The following GASK1B variants were observed in gnomAD, a reference collection of about 807,000 sequenced individuals.
GASK1B encodes Golgi-associated kinase 1B.
In GASK1B, 34 loss-of-function variants were observed where a neutral mutation model predicts 42.8. That is an observed-to-expected ratio of 0.79 (90% CI 0.60 to 1.06). The LOEUF (loss-of-function observed/expected upper bound fraction) is 1.06. GASK1B is among the 50% of genes least tolerant of loss of function. The pLI is 0.00. For synonymous variants in GASK1B, 262 were observed against 259.1 expected (o/e 1.01, Z -0.11); for missense variants, 686 against 661.0 (o/e 1.04, Z -0.42).
chr4:158,135,867 C>T (rs1171211861), intron 3 of GASK1B, among the ~76,000 whole-genome samples: 1 of 151,958 alleles, frequency 6.6e-6, no homozygotes, highest in East Asian at 1.9e-4. Flanking sequence ...AGCTAAAAAC[C>T]AGGCAAAGGC....
At chr4:158,165,814 C>T (rs1732208385) in intron 2 of GASK1B, among the ~76,000 whole-genome samples, 1 of 152,048 alleles carries the variant, frequency 6.6e-6, no homozygotes, top group Non-Finnish European at 1.5e-5. Flanking sequence ...ACGTAGGGCA[C>T]ATTTTATAAG....
chr4:158,140,809 A>G (rs1731086326), intron 3 of GASK1B, among the ~76,000 whole-genome samples: 1 of 152,242 alleles, frequency 6.6e-6, no homozygotes, highest in African/African-American at 2.4e-5. Flanking sequence ...AGCTATGTCT[A>G]TAACTAGACT....
At chr4:158,162,220 C>G (rs774841352) in intron 2 of GASK1B, among the ~76,000 whole-genome samples, 4 of 152,206 alleles carry the variant, frequency 2.6e-5, no homozygotes, top group Non-Finnish European at 5.9e-5. Context: ...TTCTCCCTCT[C>G]TGTGCCTACA....
intron 3 of GASK1B, among the ~76,000 whole-genome samples, chr4:158,154,533 C>A (rs1046963376): frequency 1.3e-4 from 20 of 152,178 alleles, no homozygotes; most frequent in African/African-American, 4.1e-4. Flanking sequence ...GAAAAGAAGT[C>A]ATTATACAAA....
At chr4:158,143,879 G>A (rs1731229324) in intron 3 of GASK1B, among the ~76,000 whole-genome samples, 1 of 151,930 alleles carries the variant, frequency 6.6e-6, no homozygotes, top group South Asian at 2.1e-4. Context: ...GTGATTATGT[G>A]TTTAAAAATA....
At chr4:158,141,596 CCTTTT>C (rs1731118774) in intron 3 of GASK1B, among the ~76,000 whole-genome samples, 1 of 21,868 alleles carries the variant, frequency 4.6e-5, no homozygotes, top group African/African-American at 6.8e-5. Context: ...TTTGTATTTA[CCTTTT>C]TTTTTTTTTT....
In GASK1B at chr4:158,171,044, A is replaced by G. The variant is rs1186056395; in HGVS notation, c.332T>C (p.Leu111Pro). 1 of 1,613,836 alleles carries G rather than the reference A, an allele frequency of 6.2e-7. No homozygotes were observed. Among genetic ancestry groups the G allele is most frequent in the Admixed American group, 1.7e-5 (1 of 60,010 alleles). Reference protein sequence around the residue: ...TLQPNVVYITLRSKRSKPANI... With the variant: ...TLQPNVVYITPRSKRSKPANI... ...GGCCGGCTTGCTGCGCTTGGAGCGT[A>G]GGGTAATGTACACCACATTGGGCTG... Residue 111 changes from leucine (L) to proline (P), a missense_variant, in exon 2 of 5, where the codon CTA (leucine) becomes CCA (proline). By Grantham distance (98) the Leu-to-Pro change is moderately conservative (BLOSUM62 -3). Coordinates refer to ENST00000585682, the MANE Select transcript of GASK1B (RefSeq NM_001128424.2).
chr4:158,142,203 C>A (rs1348070053), intron 3 of GASK1B, among the ~76,000 whole-genome samples: 1 of 151,712 alleles, frequency 6.6e-6, no homozygotes, highest in African/African-American at 2.4e-5. Context: ...CTCGGCCTCC[C>A]AAAGTGCTGG....
At chr4:158,152,910 A>G (rs1377108614) in intron 3 of GASK1B, among the ~76,000 whole-genome samples, 2 of 152,212 alleles carry the variant, frequency 1.3e-5, no homozygotes, top group African/African-American at 4.8e-5. Context: ...AATGGGGAAA[A>G]GTTAAAAACA....
intron 2 of GASK1B, among the ~76,000 whole-genome samples, chr4:158,156,762 G>T (rs1003528819): frequency 3.3e-5 from 5 of 152,068 alleles, no homozygotes; most frequent in African/African-American, 1.2e-4. Context: ...AAATCAGAAT[G>T]ATGTGCCTGA....
intron 2 of GASK1B, among the ~76,000 whole-genome samples, chr4:158,161,181 A>G (rs577114900): frequency 5.8e-4 from 89 of 152,338 alleles, no homozygotes; most frequent in Non-Finnish European, 6.2e-4. Flanking sequence ...ATTTAAAAAA[A>G]TAAGTAAGGT....
intron 3 of GASK1B, among the ~76,000 whole-genome samples, chr4:158,146,970 G>T (rs904287117): frequency 2.6e-5 from 4 of 151,924 alleles, no homozygotes; most frequent in African/African-American, 4.8e-5. Flanking sequence ...ATGTAGATCT[G>T]TTAACTGGGT....
intron 2 of GASK1B, 152 bp downstream of exon 2, chr4:158,170,314 G>A: frequency 6.2e-7 from 1 of 1,614,234 alleles, no homozygotes; most frequent in Non-Finnish European, 8.5e-7. Context: ...AATAAAGAAT[G>A]CCAAGCGCAT....
chr4:158,167,511 G>C (rs116278774), intron 2 of GASK1B, among the ~76,000 whole-genome samples: 12 of 152,254 alleles, frequency 7.9e-5, no homozygotes, highest in Non-Finnish European at 1.8e-4. Flanking sequence ...GAAGCTGGTG[G>C]CTTCCAGTAT....
chr4:158,132,881 G>A (rs1304045733), intron 3 of GASK1B, among the ~76,000 whole-genome samples: 1 of 152,156 alleles, frequency 6.6e-6, no homozygotes, highest in African/African-American at 2.4e-5. Context: ...GGAACAGTAA[G>A]TTACCACTGC....
At chr4:158,158,700 G>A (rs953225810) in intron 2 of GASK1B, among the ~76,000 whole-genome samples, 1 of 151,972 alleles carries the variant, frequency 6.6e-6, no homozygotes, top group Non-Finnish European at 1.5e-5. Context: ...CTATGCAACC[G>A]TTCAACTCCA....
rs952544529 is a variant in GASK1B, at chr4:158,126,675, G to A, written c.*732C>T. On this transcript the variant is annotated 3_prime_UTR_variant, in exon 5 of 5. Transcript: ENST00000585682. ...GAATTATTTAATTTCTCAGCCACTA[G>A]ATACAAATTGGACCAAAATAGAGAG... 7.2e-5 allele frequency: 11 copies of A among 151,974 alleles called. No individual in the cohort carries two copies. The highest frequency in any genetic ancestry group is 2.4e-4 in the African/African-American group (10 of 41,394). 9.4% of individuals were successfully genotyped at this position (151,974 alleles called of 1,614,324 possible).
intron 1 of GASK1B, 179 bp downstream of exon 1, chr4:158,172,689 C>G (rs557779117): frequency 2.6e-5 from 4 of 151,890 alleles, no homozygotes; most frequent in Non-Finnish European, 5.9e-5. Flanking sequence ...GTGTCCTGTT[C>G]GCAAACAGAC....
At chr4:158,154,765 C>A (rs1400539707) in intron 3 of GASK1B, among the ~76,000 whole-genome samples, 1 of 152,098 alleles carries the variant, frequency 6.6e-6, no homozygotes, top group Non-Finnish European at 1.5e-5. Context: ...AATGGAAAAC[C>A]AAACATCGTA....
Sources: gnomAD v4.1 joint callset for allele counts (sites outside exome capture counted in the v4.1 genomes callset) on GRCh38, gnomAD v4.1.1 for gene constraint, MANE v1.5 for transcripts, NCBI Gene and HGNC (gene_info 2026-07-23, HGNC 2026-07-21) for gene names.